The following ZFAT variants were observed in gnomAD, a reference collection of about 807,000 sequenced individuals.
ZFAT encodes zinc finger and AT-hook domain containing, also known as zinc finger protein ZFAT.
In ZFAT, 64 loss-of-function variants were observed where a neutral mutation model predicts 117.7. The observed-to-expected ratio is 0.54, with a 90% CI of 0.44 to 0.67. The LOEUF (loss-of-function observed/expected upper bound fraction) is 0.67. Ranked by LOEUF, ZFAT falls within the 30% of genes least tolerant of loss-of-function variation. The pLI is 0.00. For synonymous variants in ZFAT, 679 were observed against 615.0 expected (o/e 1.10, Z -1.54); for missense variants, 1,433 against 1,584.5 (o/e 0.90, Z 1.62).
At chr8:134,699,181 A>C (rs1006098789) in intron 1 of ZFAT, among the ~76,000 whole-genome samples, 3 of 152,194 alleles carry the variant, frequency 2.0e-5, no homozygotes, top group African/African-American at 7.2e-5. Flanking sequence ...TCCACACCTG[A>C]GAGCAGGTCA....
chr8:134,670,453 C>T (rs946902644), intron 1 of ZFAT, among the ~76,000 whole-genome samples: 2 of 152,246 alleles, frequency 1.3e-5, no homozygotes, highest in Non-Finnish European at 2.9e-5. Flanking sequence ...GAAACTCAAT[C>T]AAAATCGCTC....
At chr8:134,657,844 G>T in intron 1 of ZFAT, 107 bp from the exon 2 acceptor site, 1 of 1,210,778 alleles carries the variant, frequency 8.3e-7, no homozygotes, top group Non-Finnish European at 1.1e-6. Context: ...GCCATCACCA[G>T]CCTCTACCAG....
intron 2 of ZFAT, among the ~76,000 whole-genome samples, chr8:134,653,423 T>G (rs866982718): frequency 0.014 from 1,920 of 133,782 alleles, 13 homozygotes; most frequent in Non-Finnish European, 0.023. Flanking sequence ...TTATCTGTTT[T>G]TTTTTTTTTT....
At chr8:134,630,221 T>C (rs1253771187) in intron 3 of ZFAT, among the ~76,000 whole-genome samples, 1 of 152,224 alleles carries the variant, frequency 6.6e-6, no homozygotes, top group African/African-American at 2.4e-5. Flanking sequence ...CAAGCACGGC[T>C]GGAGACCACT....
chr8:134,510,028 T>TTACACCACAAAGC (rs1445846999), intron 14 of ZFAT: 3 of 477,846 alleles, frequency 6.3e-6, no homozygotes, highest in African/African-American at 5.9e-5. Flanking sequence ...GGCCACTGAG[T>TTACACCACAAAGC]CAGTTACACC....
At chr8:134,665,381 CA>C (rs1832159558) in intron 1 of ZFAT, among the ~76,000 whole-genome samples, 1 of 152,154 alleles carries the variant, frequency 6.6e-6, no homozygotes, top group African/African-American at 2.4e-5. Flanking sequence ...CAGATGCTCA[CA>C]GCCAGCTCAC....
At chr8:134,479,902 G>A (rs541219650) in intron 15 of ZFAT, among the ~76,000 whole-genome samples, 6 of 152,078 alleles carry the variant, frequency 3.9e-5, no homozygotes, top group Admixed American at 3.9e-4. Flanking sequence ...TATGCAAAGT[G>A]GGTGCTCAAT....
the ZFAT span, among the ~76,000 whole-genome samples, chr8:134,813,788 C>T: frequency 4.4e-5 from 6 of 135,464 alleles, no homozygotes; most frequent in African/African-American, 2.8e-5. Context: ...AAAGGTATGC[C>T]GTTTTGATTT....
chr8:134,730,851 C>CAAA, the ZFAT span, among the ~76,000 whole-genome samples: 1 of 152,212 alleles, frequency 6.6e-6, no homozygotes, highest in East Asian at 1.9e-4. Flanking sequence ...ATTCTGGTTT[C>CAAA]TTTTCCTGGG....
chr8:134,802,023 C>T, the ZFAT span, among the ~76,000 whole-genome samples: 1 of 152,266 alleles, frequency 6.6e-6, no homozygotes, highest in Middle Eastern at 3.4e-3. Context: ...ATCAATAAGC[C>T]CTCCAAGTAA....
intron 2 of ZFAT, chr8:134,639,978 G>GT: frequency 2.8e-6 from 1 of 352,414 alleles, no homozygotes; most frequent in South Asian, 2.1e-5. Flanking sequence ...CTACAGGGAG[G>GT]TGATTTCTAG....
chr8:134,726,035 C>T, the ZFAT span, among the ~76,000 whole-genome samples: 2 of 152,226 alleles, frequency 1.3e-5, no homozygotes, highest in South Asian at 4.1e-4. Flanking sequence ...ACTGCCTAGG[C>T]TCTGTGGGTA....
At chr8:134,600,980 A>G (rs1431306680) in intron 6 of ZFAT, among the ~76,000 whole-genome samples, 2 of 152,078 alleles carry the variant, frequency 1.3e-5, no homozygotes, top group East Asian at 3.9e-4. Flanking sequence ...TCTAAGTTCT[A>G]CCGGCCCTCC....
the ZFAT span, chr8:134,766,679 A>G: frequency 4.6e-5 from 7 of 152,358 alleles, no homozygotes; most frequent in African/African-American, 1.4e-4. Flanking sequence ...AGAACTTGCC[A>G]CCATACATTT....
At position 134,712,942 on chromosome 8, in the gene ZFAT, G is replaced by T; in HGVS notation, c.-79C>A. 7.1e-7 allele frequency: 1 copy of T among 1,415,016 alleles called. No homozygotes were observed. Among genetic ancestry groups the T allele is most frequent in the Non-Finnish European group, 9.3e-7 (1 of 1,074,072 alleles). The allele number at this position is 1,415,016 out of a possible 1,614,324, so 87.7% of individuals were successfully genotyped here. A position where few individuals can be genotyped will look rare whatever the true frequency, so the allele number is the denominator to read the frequency against. On this transcript the variant is annotated 5_prime_UTR_variant, in exon 1 of 16. Coordinates refer to ENST00000377838, the MANE Select transcript of ZFAT (RefSeq NM_020863.4). Reference sequence around the variant, plus strand: ...CCCGTGCCGACCGAGGGGGCGGGGCGCCCTGCTGACGCTTCGCTTTTTATT... The same window carrying T: ...CCCGTGCCGACCGAGGGGGCGGGGCTCCCTGCTGACGCTTCGCTTTTTATT...
At chr8:134,537,801 A>T (rs1320874842) in intron 11 of ZFAT, among the ~76,000 whole-genome samples, 1 of 152,210 alleles carries the variant, frequency 6.6e-6, no homozygotes, top group Non-Finnish European at 1.5e-5. Flanking sequence ...ATGGGAAAAG[A>T]AGAGAACATT....
At chr8:134,687,020 G>A (rs898698176) in intron 1 of ZFAT, among the ~76,000 whole-genome samples, 2 of 152,072 alleles carry the variant, frequency 1.3e-5, no homozygotes, top group African/African-American at 4.8e-5. Flanking sequence ...CAAAGCAAGG[G>A]TGTGGGGCAG....
At chr8:134,670,619 T>G (rs1033617948) in intron 1 of ZFAT, among the ~76,000 whole-genome samples, 1 of 152,206 alleles carries the variant, frequency 6.6e-6, no homozygotes, top group African/African-American at 2.4e-5. Flanking sequence ...ACAGGGAAAT[T>G]TATAGCACTA....
intron 15 of ZFAT, among the ~76,000 whole-genome samples, chr8:134,508,173 G>A (rs79131690): frequency 1.3e-5 from 2 of 152,300 alleles, no homozygotes; most frequent in African/African-American, 2.4e-5. Flanking sequence ...AGTCTTGTCC[G>A]TAGGTCAAGA....
Sources: allele counts gnomAD v4.1 joint callset (sites outside exome capture counted in the v4.1 genomes callset), GRCh38; gene constraint gnomAD v4.1.1; transcripts MANE v1.5; gene names NCBI Gene and HGNC (gene_info 2026-07-23, HGNC 2026-07-21).